The following JUP variants were observed in gnomAD, a reference collection of about 807,000 sequenced individuals.
JUP encodes the protein junction plakoglobin.
A neutral mutation model predicts 71.1 loss-of-function variants in JUP; 28 were observed. That is an observed-to-expected ratio of 0.39 (90% CI 0.29 to 0.54). The LOEUF (loss-of-function observed/expected upper bound fraction) is 0.54. Among genes scored for constraint, JUP ranks in the 20% least tolerant of loss-of-function variants. The pLI, the probability that JUP is intolerant of heterozygous loss-of-function variation, is 0.62. For synonymous variants in JUP, 401 were observed against 438.9 expected (o/e 0.91, Z 1.08); for missense variants, 869 against 1,030.1 (o/e 0.84, Z 2.14).
At chr17:41,783,096 C>CAAAAAAA (rs527709887) in intron 1 of JUP, among the ~76,000 whole-genome samples, 1 of 113,298 alleles carries the variant, frequency 8.8e-6, no homozygotes, top group Non-Finnish European at 1.9e-5. Context: ...GACTCCATCT[C>CAAAAAAA]AAAAAAAAAA....
intron 2 of JUP, among the ~76,000 whole-genome samples, chr17:41,770,758 G>C (rs1427551979): frequency 6.6e-6 from 1 of 152,188 alleles, no homozygotes; most frequent in African/African-American, 2.4e-5. Flanking sequence ...TCCCCATCCC[G>C]GACTAAGCCC....
Position 41,756,228 on chromosome 17 carries a change from G to A in JUP, c.2047-14C>T, listed in dbSNP as rs116666639. The A allele has an allele frequency of 2.5e-6, 4 of 1,613,196 alleles. No homozygotes were observed. In the African/African-American group the frequency reaches 5.3e-5, roughly 22 times the overall value. On this transcript the variant is annotated splice_polypyrimidine_tract_variant and intron_variant, in intron 12 of 13. Coordinates refer to ENST00000393931, the MANE Select transcript of JUP (RefSeq NM_002230.4). ...CATGCTCTGGGCCTGAAAAAGGAGA[G>A]AGAAACATGGAGGGGAGGTTTGAAA... is the stretch of plus-strand genomic sequence containing the variant.
At position 41,757,517 on chromosome 17, in the gene JUP, G is replaced by A; in HGVS notation, c.1944C>T (p.Val648=). 1 of 1,614,196 alleles carries A rather than the reference G, an allele frequency of 6.2e-7. No homozygotes were observed. The highest frequency in any genetic ancestry group is 8.5e-7 in the Non-Finnish European group (1 of 1,180,032). Residue 648 remains valine, a synonymous_variant, in exon 12 of 14, where the codon GTC becomes GTT. Coordinates refer to ENST00000393931, the MANE Select transcript of JUP (RefSeq NM_002230.4). The part of the protein sequence containing the change: ...NEGTATYAAA[V]LFRISEDKNP... ...TCTTGTCCTCGGAGATGCGGAACAG[G>A]ACGGCAGCAGCGTAGGTGGCTGAGC... is the stretch of plus-strand genomic sequence containing the variant.
rs1412061744 is a variant in JUP at position 41,763,143 on chromosome 17, C to T, written c.1337G>A (p.Gly446Asp). The T allele has an allele frequency of 2.5e-6, 4 of 1,614,116 alleles. No homozygotes were observed. Among genetic ancestry groups the T allele is most frequent in the African/African-American group, 2.7e-5 (2 of 74,932 alleles). ...AGGCTCCGTGATGTCGTCCTTGTCA[C>T]CAGCACGCAGGATGGCATGGATGAG... is the stretch of plus-strand genomic sequence containing the variant. ...EALIHAILRAGDKDDITEPAV... is the reference protein window; with the variant it reads ...EALIHAILRADDKDDITEPAV... The change falls in exon 8 of 14, where the codon GGT becomes GAT. Residue 446 changes from glycine (G) to aspartate (D), a missense_variant. Gly to Asp is a moderately conservative substitution (Grantham distance 94). Coordinates refer to ENST00000393931, the MANE Select transcript of JUP (RefSeq NM_002230.4).
At position 41,764,534 on chromosome 17, in the gene JUP, G is replaced by GGAAAAAAAA. The variant is rs60346985; in HGVS notation, c.1158+178_1158+179insTTTTTTTTC. Among the ~76,000 whole-genome samples the GGAAAAAAAA allele has an allele frequency of 1.2e-4, 10 of 83,902 alleles. 3 individuals are homozygous for GGAAAAAAAA. The highest frequency in any genetic ancestry group is 3.1e-4 in the Admixed American group (2 of 6,448). The allele number at this position is 83,902 out of a possible 152,430, so 55.0% of individuals were successfully genotyped here. A position where few individuals can be genotyped will look rare whatever the true frequency, so the allele number is the denominator to read the frequency against. On this transcript the variant is annotated intron_variant, in intron 7 of 13. Transcript: ENST00000393931. The stretch of plus-strand genomic sequence containing the variant: ...TAGGTGACAGAGTGAGACTCCGTCA[G>GGAAAAAAAA]AAAAAAAAAAAAAAAAAAAAAAAGA...
chr17:41,772,162 C>T, intron 1 of JUP: 1 of 481,654 alleles, frequency 2.1e-6, no homozygotes, highest in East Asian at 4.1e-5. Context: ...AGTCAAGGGC[C>T]AGCTGCCGCC....
At position 41,762,958 on chromosome 17, in the gene JUP, C is replaced by T. The variant is rs1555601968; in HGVS notation, c.1497+25G>A. The T allele has an allele frequency of 5.6e-6, 9 of 1,607,296 alleles. No individual in the cohort carries two copies. In the Admixed American group the frequency reaches 6.7e-5, roughly 12 times the overall value. On this transcript the variant is annotated intron_variant, in intron 8 of 13. Coordinates refer to ENST00000393931, the MANE Select transcript of JUP (RefSeq NM_002230.4). ...GCACCTAAGCCTGCTGCAGGGAGCT[C>T]CTTCCCCTCGCCTAACAGCAGTACC...
At chr17:41,763,357 CA>C in intron 7 of JUP, 36 bp from the exon 8 acceptor site, 1 of 1,494,900 alleles carries the variant, frequency 6.7e-7, no homozygotes, top group Non-Finnish European at 9.3e-7. Context: ...AGTCAGGGAG[CA>C]GCCAACTCCA....
intron 1 of JUP, chr17:41,773,010 G>C (rs1916901434): frequency 1.0e-6 from 1 of 985,030 alleles, no homozygotes; most frequent in Non-Finnish European, 1.2e-6. Flanking sequence ...TCATGGGCGG[G>C]TTTCAAAGCC....
intron 1 of JUP, among the ~76,000 whole-genome samples, chr17:41,783,841 C>A (rs1350088430): frequency 1.4e-5 from 2 of 140,366 alleles, no homozygotes; most frequent in Admixed American, 1.5e-4. Context: ...ATCACTTGAA[C>A]CCAGGAGGCG....
intron 1 of JUP, among the ~76,000 whole-genome samples, chr17:41,775,604 T>G (rs1186484498): frequency 6.6e-6 from 1 of 152,112 alleles, no homozygotes; most frequent in East Asian, 1.9e-4. Flanking sequence ...CCCTGCCCAC[T>G]CATCCCAGCC....
At position 41,755,629 on chromosome 17, in the gene JUP, C is replaced by A; in HGVS notation, c.*115G>T. 1 of 1,040,940 alleles carries A rather than the reference C, an allele frequency of 9.6e-7. No individual in the cohort carries two copies. The highest frequency in any genetic ancestry group is 2.5e-5 in the East Asian group (1 of 39,606). The allele number at this position is 1,040,940 out of a possible 1,614,324, so 64.5% of individuals were successfully genotyped here. On this transcript the variant is annotated 3_prime_UTR_variant, in exon 14 of 14. Coordinates refer to ENST00000393931, the MANE Select transcript of JUP (RefSeq NM_002230.4). ...TTGGGGAAGCTCAGCAGCAAAGGAT[C>A]CCCCCAAAAAAGGAGCGCAGGTTTC...
chr17:41,758,956 C>T lies in JUP; in HGVS notation c.1498-86G>A, dbSNP rs537689896. The T allele has an allele frequency of 1.8e-5, 25 of 1,370,860 alleles. No homozygotes were observed. In the Admixed American group the frequency reaches 3.9e-4, roughly 21 times the overall value. 84.9% of individuals were successfully genotyped at this position (1,370,860 alleles called of 1,614,324 possible). A position where few individuals can be genotyped will look rare whatever the true frequency, so the allele number is the denominator to read the frequency against. On this transcript the variant is annotated intron_variant, in intron 8 of 13. Coordinates refer to ENST00000393931, the MANE Select transcript of JUP (RefSeq NM_002230.4). ...CCCAGCTTCAAGTATCCCTTCCCTC[C>T]TTCACCTCTTCTGTCCCCGAGGCCA... is the stretch of plus-strand genomic sequence containing the variant.
intron 8 of JUP, 115 bp downstream of exon 8, chr17:41,762,868 C>A: frequency 1.3e-6 from 1 of 784,540 alleles, no homozygotes. Context: ...AAATAAACTT[C>A]TGTCTTATTC....
intron 5 of JUP, 133 bp downstream of exon 5, chr17:41,767,246 G>T (rs1260229462): frequency 1.7e-5 from 12 of 708,002 alleles, no homozygotes; most frequent in South Asian, 1.1e-4. Flanking sequence ...CAATTCAGTC[G>T]CATGATGAAG....
At chr17:41,785,431 T>C (rs2047407485) in intron 1 of JUP, among the ~76,000 whole-genome samples, 2 of 152,086 alleles carry the variant, frequency 1.3e-5, no homozygotes, top group Admixed American at 1.3e-4. Context: ...AAGAAGCTGC[T>C]TCCCCTCTCA....
At chr17:41,757,344 C>T in intron 12 of JUP, 71 bp downstream of exon 12, 2 of 1,551,812 alleles carry the variant, frequency 1.3e-6, no homozygotes, top group South Asian at 2.2e-5. Context: ...TAGGAGACCC[C>T]CAAAAGTGTT....
chr17:41,764,615 C>T, intron 7 of JUP, 98 bp downstream of exon 7: 1 of 883,328 alleles, frequency 1.1e-6, no homozygotes. Context: ...AGATTTAGAG[C>T]CCCCAGTCCT....
intron 1 of JUP, chr17:41,786,276 G>A (rs1006855931): frequency 1.3e-5 from 2 of 152,394 alleles, no homozygotes; most frequent in African/African-American, 4.8e-5. Context: ...CGCCAGCCCA[G>A]GGCGAGAGTC....
Sources: gnomAD v4.1 joint callset for allele counts (sites outside exome capture counted in the v4.1 genomes callset) on GRCh38, gnomAD v4.1.1 for gene constraint, MANE v1.5 for transcripts, NCBI Gene and HGNC (gene_info 2026-07-23, HGNC 2026-07-21) for gene names.